The following CDKN2B-AS1 variants were observed in gnomAD, a reference collection of about 807,000 sequenced individuals.
CDKN2B-AS1 encodes the protein CDKN2B and CDKN2A antisense cis and trans regulatory RNA 1, also known as CDKN2B antisense RNA 1 (non-protein coding).
At chr9:22,014,771 C>G (rs1821668107) in intron 1 of CDKN2B-AS1, among the ~76,000 whole-genome samples, 1 of 124,724 alleles carries the variant, frequency 8.0e-6, no homozygotes, top group Admixed American at 9.1e-5. Context: ...CCCCCCACCC[C>G]ACAACAGTCC....
intron 1 of CDKN2B-AS1, among the ~76,000 whole-genome samples, chr9:22,033,811 C>A (rs1296935205): frequency 6.6e-6 from 1 of 152,206 alleles, no homozygotes; most frequent in Non-Finnish European, 1.5e-5. Context: ...CATCTATTGA[C>A]AGAGTGCCTA....
intron 4 of CDKN2B-AS1, among the ~76,000 whole-genome samples, chr9:22,076,520 G>A (rs1761546344): frequency 1.3e-5 from 2 of 151,856 alleles, no homozygotes; most frequent in South Asian, 4.2e-4. Flanking sequence ...ATATTTTAAG[G>A]TATACAACAC....
At chr9:22,017,621 A>T (rs150214195) in intron 1 of CDKN2B-AS1, among the ~76,000 whole-genome samples, 104 of 152,334 alleles carry the variant, frequency 6.8e-4, no homozygotes, top group African/African-American at 2.4e-3. Context: ...TTATGTCAAC[A>T]TTGGCTTGTG....
chr9:22,087,429 A>G (rs1218603217), intron 4 of CDKN2B-AS1, among the ~76,000 whole-genome samples: 2 of 152,206 alleles, frequency 1.3e-5, no homozygotes, highest in African/African-American at 2.4e-5. Flanking sequence ...TGGAACCATC[A>G]GGAAATAATC....
chr9:22,127,937 A>G (rs1235190630), exon 5 of CDKN2B-AS1, among the ~76,000 whole-genome samples: 2 of 152,190 alleles, frequency 1.3e-5, no homozygotes, highest in African/African-American at 2.4e-5. Context: ...AACTGGGTGC[A>G]TAAAAAGGGT....
intron 4 of CDKN2B-AS1, among the ~76,000 whole-genome samples, chr9:22,088,359 T>C (rs1415843295): frequency 2.6e-5 from 4 of 152,176 alleles, no homozygotes; most frequent in Admixed American, 6.5e-5. Context: ...TTTGGAATCA[T>C]GTGCCCCATT....
intron 4 of CDKN2B-AS1, among the ~76,000 whole-genome samples, chr9:22,059,283 T>TA (rs1274553399): frequency 6.6e-6 from 1 of 152,202 alleles, no homozygotes; most frequent in Non-Finnish European, 1.5e-5. Context: ...ACTTCCTAGA[T>TA]ACAATGGTGG....
intron 4 of CDKN2B-AS1, chr9:22,119,997 T>C (rs967787006): frequency 6.6e-5 from 10 of 152,196 alleles, no homozygotes; most frequent in African/African-American, 2.2e-4. Flanking sequence ...TGTTTGAAGT[T>C]AGTAGCTGTG....
At chr9:22,009,040 T>C (rs967037270) in intron 1 of CDKN2B-AS1, 44 of 1,578,254 alleles carry the variant, frequency 2.8e-5, no homozygotes, top group Non-Finnish European at 3.7e-5. Flanking sequence ...CCCACGCTGC[T>C]CCGGCGCACT....
intron 4 of CDKN2B-AS1, among the ~76,000 whole-genome samples, chr9:22,060,362 C>T (rs1412734115): frequency 6.6e-6 from 1 of 152,178 alleles, no homozygotes; most frequent in Non-Finnish European, 1.5e-5. Flanking sequence ...GGCAAAATGC[C>T]ACCAGTCTCT....
intron 4 of CDKN2B-AS1, chr9:22,119,257 G>A (rs890040556): frequency 6.6e-6 from 1 of 152,060 alleles, no homozygotes; most frequent in African/African-American, 2.4e-5. Context: ...ATCTTAACAT[G>A]TAATTATGAT....
chr9:22,027,786 G>C (rs559389424), intron 1 of CDKN2B-AS1, among the ~76,000 whole-genome samples: 179 of 152,092 alleles, frequency 1.2e-3, no homozygotes, highest in Non-Finnish European at 1.8e-3. Flanking sequence ...CTTTTGTAAA[G>C]TTAATCACAC....
exon 5 of CDKN2B-AS1, among the ~76,000 whole-genome samples, chr9:22,127,495 C>T (rs116736177): frequency 3.9e-5 from 6 of 152,230 alleles, no homozygotes; most frequent in African/African-American, 4.8e-5. Context: ...TGAATTAGAA[C>T]GATAGTGAGC....
At chr9:22,012,338 C>T in intron 1 of CDKN2B-AS1, 1 of 1,344,430 alleles carries the variant, frequency 7.4e-7, no homozygotes, top group South Asian at 1.2e-5. Context: ...CTACAACGTC[C>T]AGAAACAGCC....
intron 1 of CDKN2B-AS1, among the ~76,000 whole-genome samples, chr9:22,007,917 A>G (rs896617089): frequency 2.0e-5 from 3 of 152,178 alleles, no homozygotes; most frequent in Admixed American, 1.3e-4. Context: ...CTTCTTTAAA[A>G]TCTATACTAT....
intron 4 of CDKN2B-AS1, among the ~76,000 whole-genome samples, chr9:22,085,757 C>G (rs1213970612): frequency 6.6e-6 from 1 of 150,466 alleles, no homozygotes; most frequent in Non-Finnish European, 1.5e-5. Flanking sequence ...CTCTTTATAT[C>G]TCAGGGTATC....
intron 4 of CDKN2B-AS1, among the ~76,000 whole-genome samples, chr9:22,098,442 G>A (rs1825366396): frequency 1.3e-5 from 2 of 149,862 alleles, no homozygotes; most frequent in Admixed American, 6.7e-5. Flanking sequence ...TTATCACCAT[G>A]CTTTCTGAAA....
In CDKN2B-AS1 at chr9:22,006,385, T is replaced by C; in HGVS notation, n.29+11224T>C. On this transcript the variant is annotated intron_variant and non_coding_transcript_variant, in intron 1 of 4. Transcript: ENST00000650946. The surrounding 1 kb of genome is among the most constrained non-coding windows in gnomAD (Gnocchi z 6.4). ...CCCAGTGCAGAGGTGTTCAGGTCTCTGATGTCTGGTGTTTCTTCATTTGCT... is the reference window on the plus strand; with the variant it reads ...CCCAGTGCAGAGGTGTTCAGGTCTCCGATGTCTGGTGTTTCTTCATTTGCT... 1 of 1,162,490 alleles carries C rather than the reference T, an allele frequency of 8.6e-7. No individual in the cohort carries two copies. Among genetic ancestry groups the C allele is most frequent in the Non-Finnish European group, 1.2e-6 (1 of 813,410 alleles). The allele number at this position is 1,162,490 out of a possible 1,614,324, so 72.0% of individuals were successfully genotyped here. A position where few individuals can be genotyped will look rare whatever the true frequency, so the allele number is the denominator to read the frequency against.
At chr9:22,052,265 T>C (rs1823378350) in intron 3 of CDKN2B-AS1, among the ~76,000 whole-genome samples, 1 of 152,156 alleles carries the variant, frequency 6.6e-6, no homozygotes, top group Middle Eastern at 3.2e-3. Flanking sequence ...GTGTTCTATA[T>C]ACAAAGCCCT....
Sources: gnomAD v4.1 joint callset for allele counts (sites outside exome capture counted in the v4.1 genomes callset) on GRCh38, gnomAD v4.1.1 for gene constraint, Gnocchi (gnomAD v3.1) non-coding constraint, MANE v1.5 for transcripts, NCBI Gene and HGNC (gene_info 2026-07-23, HGNC 2026-07-21) for gene names.